Variants in GOLPH3 observed in about 807,000 individuals in gnomAD.
GOLPH3 encodes the protein golgi phosphoprotein 3.
A neutral mutation model predicts 28.5 loss-of-function variants in GOLPH3; 14 were observed. That is an observed-to-expected ratio of 0.49 (90% CI 0.32 to 0.77). The LOEUF is 0.77. GOLPH3 is among the 30% of genes least tolerant of loss of function. The pLI, the probability that GOLPH3 is intolerant of heterozygous loss-of-function variation, is 0.03. For synonymous variants in GOLPH3, 158 were observed against 159.2 expected (o/e 0.99, Z 0.06); for missense variants, 350 against 393.7 (o/e 0.89, Z 0.94).
At chr5:32,146,572 T>TA (rs1260172204) in intron 1 of GOLPH3, among the ~76,000 whole-genome samples, 2 of 152,220 alleles carry the variant, frequency 1.3e-5, no homozygotes, top group Non-Finnish European at 2.9e-5. Context: ...AGTTAAGAGC[T>TA]ACTGTTCTGC....
Position 32,126,353 on chromosome 5 carries a change from A to G in GOLPH3, c.756T>C (p.Ala252=), listed in dbSNP as rs1237905098. Residue 252 remains alanine, a synonymous_variant, in exon 4 of 4, where the codon GCT becomes GCC. Transcript: ENST00000265070. The part of the protein sequence containing the change: ...LAHASDVLEN[A]FAPLLDEQYD... ...ACTGCTCGTCCAGAAGAGGAGCAAA[A>G]GCATTCTCCAGGACGTCCGAGGCAT... 1.9e-6 allele frequency: 3 copies of G among 1,614,164 alleles called. No homozygotes were observed. Among genetic ancestry groups the G allele is most frequent in the Non-Finnish European group, 2.5e-6 (3 of 1,180,030 alleles).
chr5:32,144,131 ACTC>A (rs1318752217), intron 1 of GOLPH3, among the ~76,000 whole-genome samples: 1 of 152,170 alleles, frequency 6.6e-6, no homozygotes, highest in African/African-American at 2.4e-5. Context: ...TAGAAACATA[ACTC>A]ACATTTCACC....
intron 1 of GOLPH3, among the ~76,000 whole-genome samples, chr5:32,150,552 C>G (rs1158542737): frequency 6.6e-6 from 1 of 151,560 alleles, no homozygotes; most frequent in Non-Finnish European, 1.5e-5. Flanking sequence ...GTCACACTGG[C>G]ACATGAATAG....
chr5:32,144,961 G>A (rs965864742), intron 1 of GOLPH3, among the ~76,000 whole-genome samples: 22 of 152,176 alleles, frequency 1.4e-4, no homozygotes, highest in Non-Finnish European at 1.5e-5. Context: ...TCTCATTAAG[G>A]CTCAGAACAG....
intron 1 of GOLPH3, among the ~76,000 whole-genome samples, chr5:32,157,577 A>C (rs569560869): frequency 1.3e-5 from 2 of 152,194 alleles, no homozygotes; most frequent in Non-Finnish European, 2.9e-5. Context: ...GATCAATCCA[A>C]CTGTCACTTT....
chr5:32,148,593 C>T (rs558603472), intron 1 of GOLPH3, among the ~76,000 whole-genome samples: 2 of 152,080 alleles, frequency 1.3e-5, no homozygotes, highest in Non-Finnish European at 1.5e-5. Flanking sequence ...GTCAGGAGAT[C>T]GAGACCATCC....
At chr5:32,151,896 T>C (rs1297541505) in intron 1 of GOLPH3, among the ~76,000 whole-genome samples, 2 of 152,110 alleles carry the variant, frequency 1.3e-5, no homozygotes, top group Admixed American at 6.5e-5. Context: ...TGGTTCCACA[T>C]ATATGGGGTA....
chr5:32,162,014 G>C (rs534603435), intron 1 of GOLPH3, among the ~76,000 whole-genome samples: 1 of 150,282 alleles, frequency 6.7e-6, no homozygotes, highest in Admixed American at 6.6e-5. Context: ...GCGACAGAGC[G>C]AGACTCCGTC....
At chr5:32,168,225 T>C (rs561187381) in intron 1 of GOLPH3, among the ~76,000 whole-genome samples, 2 of 152,338 alleles carry the variant, frequency 1.3e-5, no homozygotes, top group Non-Finnish European at 2.9e-5. Context: ...ATTTGATATG[T>C]AGAGATGGTG....
intron 2 of GOLPH3, among the ~76,000 whole-genome samples, chr5:32,142,930 A>T (rs1202995196): frequency 6.6e-6 from 1 of 151,622 alleles, no homozygotes; most frequent in Non-Finnish European, 1.5e-5. Flanking sequence ...CTGCCCGGCC[A>T]CCACCCCGTC....
Position 32,126,643 on chromosome 5 carries a change from A to C in GOLPH3, c.473-7T>G, listed in dbSNP as rs983132469. 14 of 1,602,088 alleles carry C rather than the reference A, an allele frequency of 8.7e-6. No individual in the cohort carries two copies. Among genetic ancestry groups the C allele is most frequent in the Non-Finnish European group, 1.2e-5 (14 of 1,174,244 alleles). On this transcript the variant is annotated splice_region_variant and splice_polypyrimidine_tract_variant and intron_variant, in intron 3 of 3. Transcript: ENST00000265070. ...AATGGATTCCATGTCTCACCTAAAC[A>C]AAAGATTTCAGAAGTTAGAAATGAT... is the stretch of plus-strand genomic sequence containing the variant.
chr5:32,146,700 G>T (rs558412227), intron 1 of GOLPH3, among the ~76,000 whole-genome samples: 2 of 152,268 alleles, frequency 1.3e-5, no homozygotes, highest in East Asian at 3.9e-4. Flanking sequence ...GATATAACCG[G>T]AAGTATAAGA....
rs1427835497 is a variant in GOLPH3, at chr5:32,174,232, AG to A, written c.-199del. 5.4e-6 allele frequency: 2 copies of A among 373,612 alleles called. No individual in the cohort carries two copies. Among genetic ancestry groups the A allele is most frequent in the Non-Finnish European group, 9.5e-6 (2 of 211,394 alleles). 23.1% of individuals were successfully genotyped at this position (373,612 alleles called of 1,614,324 possible). A position where few individuals can be genotyped will look rare whatever the true frequency, so the allele number is the denominator to read the frequency against. ...CGGGCTGGCCGGGCGTCGGCGGGGC[AG>A]GAGAGGAGCGCCTTCCTGCCTGTGG... is the stretch of plus-strand genomic sequence containing the variant. On this transcript the variant is annotated 5_prime_UTR_variant, in exon 1 of 4. Transcript: ENST00000265070.
chr5:32,142,721 G>A lies in GOLPH3; in HGVS notation c.357+1028C>T, dbSNP rs1178809469. Among the ~76,000 whole-genome samples the A allele has an allele frequency of 2.1e-5, 3 of 144,802 alleles. No individual in the cohort carries two copies. The East Asian group carries it at 6.4e-4, about 31-fold the overall frequency. 95.0% of individuals were successfully genotyped at this position (144,802 alleles called of 152,430 possible). On this transcript the variant is annotated intron_variant, in intron 2 of 3. Transcript: ENST00000265070. Reference sequence around the variant, plus strand: ...GGTGGGGGGATCAGCCCCCCGCCTGGCCAGCCGCCCCGTCCGGGAGGTGAG... The same window carrying A: ...GGTGGGGGGATCAGCCCCCCGCCTGACCAGCCGCCCCGTCCGGGAGGTGAG...
intron 1 of GOLPH3, among the ~76,000 whole-genome samples, chr5:32,170,595 G>A (rs562859287): frequency 6.6e-5 from 10 of 152,192 alleles, no homozygotes; most frequent in African/African-American, 2.4e-4. Flanking sequence ...ATGGTGGCGA[G>A]CCTCCCAAGG....
chr5:32,148,656 GCGT>G (rs1297300512), intron 1 of GOLPH3, among the ~76,000 whole-genome samples: 5 of 152,178 alleles, frequency 3.3e-5, no homozygotes, highest in African/African-American at 1.2e-4. Context: ...AATTAGCTGG[GCGT>G]GGTGGTGGGC....
intron 1 of GOLPH3, among the ~76,000 whole-genome samples, chr5:32,168,135 C>A (rs113355003): frequency 2.0e-5 from 3 of 152,020 alleles, no homozygotes; most frequent in East Asian, 1.9e-4. Flanking sequence ...AACTCAGAAG[C>A]CTTTATTATA....
At chr5:32,148,760 G>A (rs1371041370) in intron 1 of GOLPH3, among the ~76,000 whole-genome samples, 9 of 152,190 alleles carry the variant, frequency 5.9e-5, no homozygotes, top group African/African-American at 2.2e-4. Flanking sequence ...TCGCGCCAAT[G>A]CACTCCAGCC....
intron 1 of GOLPH3, among the ~76,000 whole-genome samples, chr5:32,159,255 T>C (rs184339743): frequency 5.3e-5 from 8 of 152,360 alleles, no homozygotes; most frequent in Admixed American, 3.3e-4. Flanking sequence ...CATAATGAGA[T>C]ACCTTAGGGA....
Sources: gnomAD v4.1 joint callset for allele counts (sites outside exome capture counted in the v4.1 genomes callset) on GRCh38, gnomAD v4.1.1 for gene constraint, MANE v1.5 for transcripts, NCBI Gene and HGNC (gene_info 2026-07-23, HGNC 2026-07-21) for gene names.